The following AGAP1 variants were observed in gnomAD, a reference collection of about 807,000 sequenced individuals.
AGAP1 encodes arf-GAP with GTPase, ANK repeat and PH domain-containing protein 1.
Under a neutral mutation model 105.3 loss-of-function variants are expected in AGAP1, and 29 were observed. The ratio of observed to expected loss-of-function variants is 0.28; its 90% CI spans 0.21 to 0.38. AGAP1 has a LOEUF of 0.38. Among genes scored for constraint, AGAP1 ranks in the 10% least tolerant of loss-of-function variants. The pLI is 1.00. For missense variants in AGAP1, 998 were observed against 1,165.1 expected (o/e 0.86, Z 2.09); for synonymous variants, 509 against 485.9 (o/e 1.05, Z -0.63).
chr2:235,860,874 A>G (rs1047316859), intron 9 of AGAP1, among the ~76,000 whole-genome samples: 1 of 152,202 alleles, frequency 6.6e-6, no homozygotes, highest in African/African-American at 2.4e-5. Context: ...GAGATGTGCA[A>G]TTATTTAATA....
At chr2:235,627,601 C>G (rs558377955) in intron 1 of AGAP1, among the ~76,000 whole-genome samples, 1 of 152,170 alleles carries the variant, frequency 6.6e-6, no homozygotes, top group East Asian at 1.9e-4. Flanking sequence ...GTCCACTGCC[C>G]GTGGGGCTTA....
intron 11 of AGAP1, among the ~76,000 whole-genome samples, chr2:235,911,027 ACATCTAGT>A (rs2051586214): frequency 6.6e-6 from 1 of 152,202 alleles, no homozygotes; most frequent in Non-Finnish European, 1.5e-5. Context: ...TCTGACCATC[ACATCTAGT>A]CATCTAGTTA....
In AGAP1 at chr2:236,094,062, T is replaced by C. The variant is rs942979128; in HGVS notation, c.2115-26130T>C. On this transcript the variant is annotated intron_variant, in intron 16 of 17. Coordinates refer to ENST00000304032, the MANE Select transcript of AGAP1 (RefSeq NM_001037131.3). ...AGACTGTATTCATAGGTCAGAAATA[T>C]ATAAATGCATGTCACTGTGGTTGCT... is the stretch of plus-strand genomic sequence containing the variant. 3.3e-5 allele frequency among the ~76,000 whole-genome samples: 5 copies of C among 152,234 alleles called. No individual in the cohort carries two copies. In the South Asian group the frequency reaches 6.2e-4, roughly 19 times the overall value.
chr2:235,527,103 G>A (rs1317785482), intron 1 of AGAP1, among the ~76,000 whole-genome samples: 1 of 152,130 alleles, frequency 6.6e-6, no homozygotes, highest in East Asian at 1.9e-4. Flanking sequence ...ATGACATGTA[G>A]CAATCAGTAG....
chr2:235,526,976 A>G (rs1286306998), intron 1 of AGAP1, among the ~76,000 whole-genome samples: 2 of 152,192 alleles, frequency 1.3e-5, no homozygotes, highest in Non-Finnish European at 2.9e-5. Context: ...GGGTGGAGGC[A>G]TTCTAGTCTT....
chr2:236,036,626 A>C lies in AGAP1; in HGVS notation c.1711A>C (p.Thr571Pro). Reference protein sequence around the residue: ...LTGQTWHFEATTYEERDAWVQ... With the variant: ...LTGQTWHFEAPTYEERDAWVQ... ...TGGCCAAACATGGCACTTTGAAGCC[A>C]CGACGTATGAGGAGCGGGACGCCTG... Residue 571 changes from threonine (T) to proline (P), a missense_variant, in exon 14 of 18, where the codon ACG (threonine) becomes CCG (proline). Thr to Pro is a conservative substitution (Grantham distance 38). Around this residue, in one of 3 missense-constraint regions of AGAP1, gnomAD observed 735 missense variants for 833.4 expected, o/e 0.88. Transcript: ENST00000304032. The surrounding 1 kb of genome is among the most constrained non-coding windows in gnomAD (Gnocchi z 5.7). 6.2e-7 allele frequency: 1 copy of C among 1,614,234 alleles called. No homozygotes were observed. Among genetic ancestry groups the C allele is most frequent in the East Asian group, 2.2e-5 (1 of 44,880 alleles).
chr2:235,943,767 G>A (rs1362104620), intron 12 of AGAP1, among the ~76,000 whole-genome samples: 3 of 152,320 alleles, frequency 2.0e-5, no homozygotes, highest in South Asian at 4.1e-4. Flanking sequence ...TGGCTAGGTC[G>A]AGAGACAGCC....
chr2:235,882,277 G>A lies in AGAP1; in HGVS notation c.1051-1068G>A, dbSNP rs994765529. The A allele has an allele frequency of 1.6e-5, 9 of 573,754 alleles. No homozygotes were observed. The highest frequency in any genetic ancestry group is 7.9e-5 in the Admixed American group (3 of 38,016). The allele number at this position is 573,754 out of a possible 1,614,324, so 35.5% of individuals were successfully genotyped here. Reference sequence around the variant, plus strand: ...GCCCAGGTTCACAATGCAGCTTGTGGCTCGTGTCCATCTTGCAGGTCGCTC... The same window carrying A: ...GCCCAGGTTCACAATGCAGCTTGTGACTCGTGTCCATCTTGCAGGTCGCTC... On this transcript the variant is annotated intron_variant, in intron 9 of 17. Transcript: ENST00000304032. The surrounding 1 kb of genome is among the most constrained non-coding windows in gnomAD (Gnocchi z 4.6).
intron 1 of AGAP1, among the ~76,000 whole-genome samples, chr2:235,571,319 A>G (rs774595061): frequency 6.6e-6 from 1 of 152,338 alleles, no homozygotes; most frequent in African/African-American, 2.4e-5. Flanking sequence ...AAAACATTTT[A>G]TGAATGATTG....
chr2:235,783,251 A>G (rs571291544), intron 6 of AGAP1: 43 of 415,634 alleles, frequency 1.0e-4, no homozygotes, highest in South Asian at 6.3e-4. Flanking sequence ...ATTAAAAAAA[A>G]GAGTTGAATT....
At chr2:236,049,322 C>G (rs1027156129) in intron 16 of AGAP1, 41 bp downstream of exon 16, 5 of 1,576,136 alleles carry the variant, frequency 3.2e-6, no homozygotes, top group Non-Finnish European at 4.3e-6. Context: ...ACACGTTTGC[C>G]AACAGTTAGG....
chr2:235,956,293 T>C (rs2053946674), intron 12 of AGAP1, among the ~76,000 whole-genome samples: 1 of 152,208 alleles, frequency 6.6e-6, no homozygotes, highest in Non-Finnish European at 1.5e-5. Flanking sequence ...ATTTAAACTT[T>C]GTGCTGCTTG....
At chr2:235,645,370 T>C (rs915127360) in intron 1 of AGAP1, among the ~76,000 whole-genome samples, 1 of 152,142 alleles carries the variant, frequency 6.6e-6, no homozygotes, top group Non-Finnish European at 1.5e-5. Flanking sequence ...AGCTAAGGGA[T>C]AGAATTCATG....
chr2:235,763,399 C>T lies in AGAP1; in HGVS notation c.673+12911C>T, dbSNP rs184430145. 5.3e-5 allele frequency among the ~76,000 whole-genome samples: 8 copies of T among 152,294 alleles called. No individual in the cohort carries two copies. The East Asian group carries it at 5.8e-4, about 11-fold the overall frequency. ...CACCCTGTGGTTATTGATTTTTGCA[C>T]GGCATTTCCTTGAGCAAACAGAACA... On this transcript the variant is annotated intron_variant, in intron 6 of 17. Transcript: ENST00000304032.
At chr2:235,624,502 A>T (rs568388408) in intron 1 of AGAP1, among the ~76,000 whole-genome samples, 1 of 152,274 alleles carries the variant, frequency 6.6e-6, no homozygotes, top group East Asian at 1.9e-4. Flanking sequence ...TGGTTCTTTC[A>T]TTTTACCTGC....
At chr2:236,110,326 G>A (rs1325012714) in intron 16 of AGAP1, among the ~76,000 whole-genome samples, 1 of 151,522 alleles carries the variant, frequency 6.6e-6, no homozygotes, top group African/African-American at 2.4e-5. Flanking sequence ...TGAACCCACT[G>A]CACTCCAACC....
At position 235,958,805 on chromosome 2, in the gene AGAP1, G is replaced by A. The variant is rs1168806343; in HGVS notation, c.1484-9657G>A. ...CAGGCTGCTTGATATTTATGCGGAC[G>A]GAATGTTATTTTATTCCCCCTCTAG... is the stretch of plus-strand genomic sequence containing the variant. On this transcript the variant is annotated intron_variant, in intron 12 of 17. Coordinates refer to ENST00000304032, the MANE Select transcript of AGAP1 (RefSeq NM_001037131.3). The surrounding 1 kb of genome is among the most constrained non-coding windows in gnomAD (Gnocchi z 4.1). 3.3e-5 allele frequency among the ~76,000 whole-genome samples: 5 copies of A among 152,154 alleles called. No individual in the cohort carries two copies. Among genetic ancestry groups the A allele is most frequent in the African/African-American group, 1.2e-4 (5 of 41,442 alleles).
chr2:235,586,813 G>C lies in AGAP1; in HGVS notation c.163+91964G>C, dbSNP rs145545072. Among the ~76,000 whole-genome samples, 1,877 of 152,328 alleles carry C rather than the reference G, an allele frequency of 0.012. 25 individuals are homozygous for C. Among genetic ancestry groups the C allele is most frequent in the Non-Finnish European group, 0.02 (1,367 of 68,044 alleles). Reference sequence around the variant, plus strand: ...CATTCCTGATAGGACAGGAGGGAGCGGTTGGCTGGGGAAGACCTGAGTGAG... The same window carrying C: ...CATTCCTGATAGGACAGGAGGGAGCCGTTGGCTGGGGAAGACCTGAGTGAG... On this transcript the variant is annotated intron_variant, in intron 1 of 17. Coordinates refer to ENST00000304032, the MANE Select transcript of AGAP1 (RefSeq NM_001037131.3). This position sits in a 1 kb window ranked among gnomAD's most constrained non-coding sequence, Gnocchi z 4.2.
chr2:235,709,310 A>G, intron 2 of AGAP1, 73 bp downstream of exon 2: 2 of 1,526,844 alleles, frequency 1.3e-6, no homozygotes, highest in Non-Finnish European at 1.8e-6. Context: ...CTGCATTCCC[A>G]GGCAACTGGT....
Sources: allele counts gnomAD v4.1 joint callset (sites outside exome capture counted in the v4.1 genomes callset), GRCh38; gene constraint gnomAD v4.1.1; regional missense constraint gnomAD v4.1.1; non-coding constraint Gnocchi (gnomAD v3.1); transcripts MANE v1.5; gene names NCBI Gene and HGNC (gene_info 2026-07-23, HGNC 2026-07-21).